The following SFXN4 variants were observed in gnomAD, a reference collection of about 807,000 sequenced individuals.
SFXN4 encodes the protein sideroflexin-4.
Under a neutral mutation model 54.6 loss-of-function variants are expected in SFXN4, and 48 were observed. The ratio of observed to expected loss-of-function variants is 0.88; its 90% confidence interval spans 0.70 to 1.12. The LOEUF (loss-of-function observed/expected upper bound fraction) is 1.12. SFXN4 is among the 50% of genes most tolerant of loss of function. The pLI, the probability that SFXN4 is intolerant of heterozygous loss-of-function variation, is 0.00. For missense variants in SFXN4, 383 were observed against 409.2 expected (o/e 0.94, Z 0.55); for synonymous variants, 130 against 145.5 (o/e 0.89, Z 0.77).
chr10:119,165,349 C>T (rs1206143234), intron 1 of SFXN4, 188 bp downstream of exon 1: 1 of 1,307,710 alleles, frequency 7.6e-7, no homozygotes, highest in Non-Finnish European at 9.7e-7. Context: ...CTTCGATTTC[C>T]CCTGCGTCCC....
At chr10:119,158,151 A>G in intron 6 of SFXN4, 89 bp from the exon 7 acceptor site, 1 of 1,246,014 alleles carries the variant, frequency 8.0e-7, no homozygotes. Flanking sequence ...GAGAGGGAGA[A>G]TTGAGCCCCC....
intron 11 of SFXN4, among the ~76,000 whole-genome samples, chr10:119,148,698 T>C (rs1041734182): frequency 6.6e-6 from 1 of 152,240 alleles, no homozygotes; most frequent in African/African-American, 2.4e-5. Flanking sequence ...AATTGTGTTA[T>C]GTACAGGTTA....
chr10:119,146,476 C>G (rs138359021), intron 12 of SFXN4, 123 bp from the exon 13 acceptor site: 1 of 438,210 alleles, frequency 2.3e-6, no homozygotes. Context: ...TGTGTGTGTA[C>G]CTGAACACCT....
In SFXN4 at chr10:119,146,460, T is replaced by TGTGC. The variant is rs141608372; in HGVS notation, c.819-108_819-107insGCAC. The TGTGC allele has an allele frequency of 0.13, 74,886 of 562,300 alleles. 2,857 individuals carry two copies. The highest frequency in any genetic ancestry group is 0.18 in the South Asian group (6,989 of 37,794). The allele number at this position is 562,300 out of a possible 1,614,324, so 34.8% of individuals were successfully genotyped here. A position where few individuals can be genotyped will look rare whatever the true frequency, so the allele number is the denominator to read the frequency against. ...GTGTGTGTGTGTGTGTGTGTGTGTG[T>TGTGC]GCACGTGTGTGTGTACCTGAACACC... On this transcript the variant is annotated intron_variant, in intron 12 of 13. Transcript: ENST00000355697.
chr10:119,161,549 T>C (rs1847545859), intron 3 of SFXN4, among the ~76,000 whole-genome samples: 2 of 152,054 alleles, frequency 1.3e-5, no homozygotes, highest in Admixed American at 1.3e-4. Flanking sequence ...GCCAGAGCTG[T>C]TATTTACCAC....
intron 2 of SFXN4, among the ~76,000 whole-genome samples, chr10:119,163,438 C>G (rs189812377): frequency 6.6e-6 from 1 of 152,080 alleles, no homozygotes; most frequent in Non-Finnish European, 1.5e-5. Context: ...TCGCTCGTCA[C>G]GCAGGCTGGA....
chr10:119,158,428 G>T (rs926605773), intron 6 of SFXN4, among the ~76,000 whole-genome samples: 1 of 150,684 alleles, frequency 6.6e-6, no homozygotes, highest in African/African-American at 2.4e-5. Context: ...GACCAGCCTG[G>T]CCAACATGGT....
At chr10:119,164,328 T>G (rs940571591) in intron 1 of SFXN4, 132 bp from the exon 2 acceptor site, 10 of 579,272 alleles carry the variant, frequency 1.7e-5, no homozygotes, top group Admixed American at 3.7e-5. Context: ...ACTGGCATCA[T>G]CTCCTGGGAT....
intron 11 of SFXN4, among the ~76,000 whole-genome samples, chr10:119,150,215 G>A (rs545018144): frequency 1.6e-4 from 24 of 151,924 alleles, no homozygotes; most frequent in Middle Eastern, 3.4e-3. Context: ...TGCCAAAAAT[G>A]AAGTTTCTTC....
chr10:119,147,408 C>A (rs1171299811), intron 12 of SFXN4, among the ~76,000 whole-genome samples: 1 of 152,096 alleles, frequency 6.6e-6, no homozygotes, highest in African/African-American at 2.4e-5. Flanking sequence ...TTAAAACATA[C>A]TTGGAATGGG....
chr10:119,158,689 A>T (rs1264632979), intron 6 of SFXN4, among the ~76,000 whole-genome samples: 2 of 150,878 alleles, frequency 1.3e-5, no homozygotes, highest in Non-Finnish European at 3.0e-5. Context: ...TGGTGTGGAC[A>T]AGTACCTCCT....
At chr10:119,164,890 A>C (rs1426181944) in intron 1 of SFXN4, among the ~76,000 whole-genome samples, 1 of 152,178 alleles carries the variant, frequency 6.6e-6, no homozygotes, top group Non-Finnish European at 1.5e-5. Context: ...AAGGTAACAG[A>C]CGCCGGATTT....
intron 11 of SFXN4, among the ~76,000 whole-genome samples, chr10:119,148,605 G>A (rs1846919325): frequency 1.3e-5 from 2 of 151,986 alleles, no homozygotes; most frequent in Admixed American, 1.3e-4. Context: ...CCAGCTCTGA[G>A]GGCACGGGCA....
chr10:119,163,456 G>A (rs1164852184), intron 2 of SFXN4, among the ~76,000 whole-genome samples: 1 of 152,042 alleles, frequency 6.6e-6, no homozygotes, highest in African/African-American at 2.4e-5. Context: ...GGAGTGCAGT[G>A]GCAAGATCTC....
At chr10:119,142,691 C>T (rs1166898016) in intron 13 of SFXN4, among the ~76,000 whole-genome samples, 1 of 149,202 alleles carries the variant, frequency 6.7e-6, no homozygotes, top group African/African-American at 2.5e-5. Flanking sequence ...GCTGGGACTA[C>T]AGGCACCCGC....
intron 13 of SFXN4, among the ~76,000 whole-genome samples, chr10:119,144,456 CA>C (rs998283378): frequency 2.1e-3 from 287 of 137,716 alleles, no homozygotes; most frequent in African/African-American, 4.9e-3. Flanking sequence ...GACTCCGTCT[CA>C]AAAAAAAAAA....
chr10:119,163,691 C>T (rs180896826), intron 2 of SFXN4, among the ~76,000 whole-genome samples: 1 of 152,116 alleles, frequency 6.6e-6, no homozygotes, highest in African/African-American at 2.4e-5. Context: ...GCATGAGCCA[C>T]GGCACACGGT....
intron 13 of SFXN4, among the ~76,000 whole-genome samples, chr10:119,142,070 A>G (rs1159726783): frequency 4.6e-5 from 7 of 152,056 alleles, no homozygotes; most frequent in Non-Finnish European, 1.0e-4. Flanking sequence ...GTGTGGTAGT[A>G]CGTTCCTGTA....
chr10:119,152,065 TCCCA>T (rs1847091738), intron 11 of SFXN4, among the ~76,000 whole-genome samples: 1 of 150,602 alleles, frequency 6.6e-6, no homozygotes, highest in Non-Finnish European at 1.5e-5. Context: ...GCGATCTACC[TCCCA>T]AAGTGTTGGG....
Sources: gnomAD v4.1 joint callset for allele counts (sites outside exome capture counted in the v4.1 genomes callset) on GRCh38, gnomAD v4.1.1 for gene constraint, MANE v1.5 for transcripts, NCBI Gene and HGNC (gene_info 2026-07-23, HGNC 2026-07-21) for gene names.